SAMD3: variants seen among roughly 807,000 people sequenced by gnomAD.
SAMD3 encodes sterile alpha motif domain containing 3.
SAMD3 carries 63 observed loss-of-function variants against 58.5 expected under a neutral mutation model. That is an observed-to-expected ratio of 1.08 (90% CI 0.88 to 1.33). The LOEUF is 1.33. Among genes scored for constraint, SAMD3 ranks in the 40% most tolerant of loss-of-function variants. The pLI is 0.00. For missense variants in SAMD3, 604 were observed against 608.4 expected (o/e 0.99, Z 0.08); for synonymous variants, 220 against 210.3 (o/e 1.05, Z -0.40).
At chr6:130,333,806 T>C (rs1053982922) in intron 1 of SAMD3, among the ~76,000 whole-genome samples, 19 of 152,200 alleles carry the variant, frequency 1.2e-4, no homozygotes, top group Admixed American at 1.2e-3. Flanking sequence ...CAGTCATCTA[T>C]AGTCACGCTT....
chr6:130,237,586 C>T (rs924433607), intron 2 of SAMD3, among the ~76,000 whole-genome samples: 4 of 151,890 alleles, frequency 2.6e-5, no homozygotes, highest in African/African-American at 7.3e-5. Flanking sequence ...TAATGGTTGT[C>T]GTTATTGATT....
rs368016818 is a variant in SAMD3, at chr6:130,241,039, T to C, written c.-187-18226A>G. Among the ~76,000 whole-genome samples, 6 of 152,184 alleles carry C rather than the reference T, an allele frequency of 3.9e-5. 1 individual carries two copies. The stretch of plus-strand genomic sequence containing the variant: ...GAATTCCTCTTTGGCGAACTGTCAG[T>C]CAGGATGCTCCAGTAGCCCCTGGCC... On this transcript the variant is annotated intron_variant, in intron 2 of 13. Transcript: ENST00000368134.
At chr6:130,153,989 T>A (rs1789491009) in intron 9 of SAMD3, among the ~76,000 whole-genome samples, 1 of 151,936 alleles carries the variant, frequency 6.6e-6, no homozygotes, top group Non-Finnish European at 1.5e-5. Context: ...AAATTTCATA[T>A]ATATTTAAGG....
chr6:130,179,900 T>G (rs2326968), intron 7 of SAMD3, among the ~76,000 whole-genome samples: 1 of 149,060 alleles, frequency 6.7e-6, no homozygotes, highest in Non-Finnish European at 1.5e-5. Flanking sequence ...CTGCAACCTC[T>G]GCCTCCTGGG....
At chr6:130,320,250 C>T (rs528893326) in intron 1 of SAMD3, among the ~76,000 whole-genome samples, 15 of 152,098 alleles carry the variant, frequency 9.9e-5, no homozygotes, top group African/African-American at 3.6e-4. Context: ...GAAATCTGAA[C>T]AGAAGCTTCA....
At chr6:130,293,318 A>T (rs1254928102) in intron 2 of SAMD3, among the ~76,000 whole-genome samples, 1 of 152,170 alleles carries the variant, frequency 6.6e-6, no homozygotes, top group African/African-American at 2.4e-5. Flanking sequence ...CTTGCTGTGT[A>T]TTTGACATCT....
intron 7 of SAMD3, among the ~76,000 whole-genome samples, chr6:130,180,012 A>T (rs888546800): frequency 2.6e-5 from 4 of 151,874 alleles, no homozygotes; most frequent in Non-Finnish European, 5.9e-5. Context: ...ACGGGGTTTC[A>T]CCATGTTGGC....
intron 1 of SAMD3, among the ~76,000 whole-genome samples, chr6:130,357,881 C>T (rs1205300934): frequency 6.6e-6 from 1 of 152,056 alleles, no homozygotes; most frequent in East Asian, 1.9e-4. Flanking sequence ...TTGGCACATG[C>T]CAAAATTTTG....
intron 1 of SAMD3, among the ~76,000 whole-genome samples, chr6:130,357,118 CTTTTTTTTTTTT>C (rs1169066063): frequency 1.1e-5 from 1 of 91,712 alleles, no homozygotes; most frequent in Non-Finnish European, 2.0e-5. Context: ...GCCATGGCAT[CTTTTTTTTTTTT>C]TTTTTTTTTT....
At chr6:130,214,640 C>T (rs1429470834) in intron 3 of SAMD3, 114 bp from the exon 4 acceptor site, 11 of 641,604 alleles carry the variant, frequency 1.7e-5, no homozygotes, top group Non-Finnish European at 2.4e-5. Flanking sequence ...TGTCCCCTGA[C>T]ATTATAAATT....
intron 2 of SAMD3, among the ~76,000 whole-genome samples, chr6:130,295,850 G>T (rs1007271443): frequency 2.6e-5 from 4 of 152,032 alleles, no homozygotes; most frequent in Admixed American, 2.6e-4. Flanking sequence ...TGCCCTTCTT[G>T]ACCCTAGGCA....
intron 2 of SAMD3, among the ~76,000 whole-genome samples, chr6:130,229,274 T>C (rs1352654909): frequency 1.3e-5 from 2 of 152,230 alleles, no homozygotes; most frequent in African/African-American, 4.8e-5. Context: ...AAACTACATG[T>C]CCGATGACCA....
At chr6:130,356,652 G>A (rs1392968022) in intron 1 of SAMD3, among the ~76,000 whole-genome samples, 1 of 152,202 alleles carries the variant, frequency 6.6e-6, no homozygotes, top group Non-Finnish European at 1.5e-5. Context: ...GTTATCACAA[G>A]TTGATTGTTT....
chr6:130,199,249 C>T (rs969262706), intron 5 of SAMD3, among the ~76,000 whole-genome samples: 2 of 152,174 alleles, frequency 1.3e-5, no homozygotes, highest in African/African-American at 4.8e-5. Flanking sequence ...AGAAATTGTG[C>T]CCCACAAGTG....
chr6:130,259,490 A>G (rs1459216457), intron 2 of SAMD3, among the ~76,000 whole-genome samples: 2 of 152,172 alleles, frequency 1.3e-5, no homozygotes, highest in Non-Finnish European at 2.9e-5. Context: ...CCATGATCCA[A>G]ACATCTCCCA....
chr6:130,239,338 T>C lies in SAMD3; in HGVS notation c.-187-16525A>G, dbSNP rs1324913016. 3.3e-5 allele frequency among the ~76,000 whole-genome samples: 5 copies of C among 152,168 alleles called. No individual in the cohort carries two copies. In the South Asian group the frequency reaches 6.2e-4, roughly 19 times the overall value. On this transcript the variant is annotated intron_variant, in intron 2 of 13. Transcript: ENST00000368134. ...AGATGAGTAAACTGTAAACCATCTG[T>C]AGTGGCAGCTTAGAAAATATCTATC... is the stretch of plus-strand genomic sequence containing the variant.
At chr6:130,199,317 T>C (rs553053241) in intron 5 of SAMD3, among the ~76,000 whole-genome samples, 1 of 152,346 alleles carries the variant, frequency 6.6e-6, no homozygotes, top group South Asian at 2.1e-4. Context: ...GCCTGCAGAC[T>C]TTATACACTG....
chr6:130,254,504 T>A (rs1471154834), intron 2 of SAMD3, among the ~76,000 whole-genome samples: 2 of 152,138 alleles, frequency 1.3e-5, no homozygotes, highest in South Asian at 2.1e-4. Flanking sequence ...CCTTTTTGTA[T>A]TTTTAGTAGA....
At chr6:130,286,615 C>G (rs749631150) in intron 2 of SAMD3, among the ~76,000 whole-genome samples, 1 of 152,078 alleles carries the variant, frequency 6.6e-6, no homozygotes. Flanking sequence ...TATAGATATC[C>G]ATATATTTTT....
Sources: gnomAD v4.1 joint callset for allele counts (sites outside exome capture counted in the v4.1 genomes callset) on GRCh38, gnomAD v4.1.1 for gene constraint, MANE v1.5 for transcripts, NCBI Gene and HGNC (gene_info 2026-07-23, HGNC 2026-07-21) for gene names.